The following SEL1L3 variants were observed in gnomAD, a reference collection of about 807,000 sequenced individuals.
The protein encoded by SEL1L3 is protein sel-1 homolog 3.
Under a neutral mutation model 142.8 loss-of-function variants are expected in SEL1L3, and 76 were observed. The observed-to-expected ratio is 0.53, with a 90% confidence interval of 0.44 to 0.64. The LOEUF (loss-of-function observed/expected upper bound fraction) is 0.64, where lower values mean the gene tolerates loss of function less well. Among genes scored for constraint, SEL1L3 ranks in the 30% least tolerant of loss-of-function variants. SEL1L3 has a pLI of 0.00. For synonymous variants in SEL1L3, 504 were observed against 519.6 expected (o/e 0.97, Z 0.41); for missense variants, 1,262 against 1,381.7 (o/e 0.91, Z 1.37).
intron 1 of SEL1L3, among the ~76,000 whole-genome samples, chr4:25,855,107 A>G (rs983172575): frequency 6.6e-6 from 1 of 152,232 alleles, no homozygotes; most frequent in Non-Finnish European, 1.5e-5. Flanking sequence ...ATTCACCACG[A>G]GTCGTGGCTA....
intron 23 of SEL1L3, among the ~76,000 whole-genome samples, chr4:25,752,106 C>T (rs1387549156): frequency 2.6e-5 from 2 of 77,424 alleles, no homozygotes; most frequent in East Asian, 3.7e-4. Flanking sequence ...AAGACTCCAT[C>T]TCAAAAAAAA....
At chr4:25,719,267 A>G in the SEL1L3 span, 7 of 152,312 alleles carry the variant, frequency 4.6e-5, no homozygotes, top group African/African-American at 1.4e-4. Context: ...TGTTACAAGT[A>G]GAGGAAGGGA....
chr4:25,770,147 CT>C (rs1719054361), intron 17 of SEL1L3: 1 of 152,066 alleles, frequency 6.6e-6, no homozygotes, highest in Non-Finnish European at 1.5e-5. Context: ...AGAATTTTTT[CT>C]TAACTGCAGA....
chr4:25,861,135 T>G (rs1425205735), intron 1 of SEL1L3, among the ~76,000 whole-genome samples: 1 of 152,246 alleles, frequency 6.6e-6, no homozygotes, highest in Non-Finnish European at 1.5e-5. Flanking sequence ...ACATCACTTC[T>G]GCTTCTGTGG....
chr4:25,749,225 T>A (rs1294960445), intron 23 of SEL1L3, among the ~76,000 whole-genome samples: 1 of 152,192 alleles, frequency 6.6e-6, no homozygotes, highest in Non-Finnish European at 1.5e-5. Flanking sequence ...GATTAGATGA[T>A]CTTGAAACCC....
intron 1 of SEL1L3, among the ~76,000 whole-genome samples, chr4:25,853,952 G>A (rs900368528): frequency 1.3e-5 from 2 of 152,032 alleles, no homozygotes; most frequent in African/African-American, 4.8e-5. Context: ...GATTACAGGT[G>A]TGAGCCACTG....
intron 11 of SEL1L3, among the ~76,000 whole-genome samples, chr4:25,795,394 G>C (rs759114714): frequency 2.0e-5 from 3 of 152,136 alleles, no homozygotes; most frequent in Non-Finnish European, 4.4e-5. Context: ...ACAACTCAAA[G>C]CCTTAGGTTG....
At chr4:25,826,523 C>T (rs144085939) in intron 6 of SEL1L3, among the ~76,000 whole-genome samples, 149 of 152,118 alleles carry the variant, frequency 9.8e-4, no homozygotes, top group Non-Finnish European at 1.7e-3. Context: ...CTACAGGAAC[C>T]CCCGGGGGAC....
chr4:25,822,257 A>T (rs1577658817), intron 6 of SEL1L3, 129 bp from the exon 7 acceptor site: 1 of 1,064,672 alleles, frequency 9.4e-7, no homozygotes, highest in East Asian at 2.4e-5. Flanking sequence ...GTTTTAGCAG[A>T]TGAGACCAGC....
chr4:25,850,263 A>G (rs1716795478), intron 1 of SEL1L3, among the ~76,000 whole-genome samples: 1 of 152,264 alleles, frequency 6.6e-6, no homozygotes, highest in Non-Finnish European at 1.5e-5. Context: ...CTTTTAAAGC[A>G]ACTGATAGTC....
At chr4:25,862,205 G>C (rs1717759298) in intron 1 of SEL1L3, 2 of 152,768 alleles carry the variant, frequency 1.3e-5, no homozygotes, top group South Asian at 2.1e-4. Context: ...GAAACTAAAA[G>C]GAGGGTCGAC....
At chr4:25,789,524 G>A (rs1251019530) in intron 12 of SEL1L3, among the ~76,000 whole-genome samples, 1 of 149,856 alleles carries the variant, frequency 6.7e-6, no homozygotes, top group East Asian at 2.0e-4. Context: ...CTTTGAGGCT[G>A]CAGTGAGCTA....
At chr4:25,792,693 G>C (rs1335085631) in intron 11 of SEL1L3, among the ~76,000 whole-genome samples, 1 of 152,180 alleles carries the variant, frequency 6.6e-6, no homozygotes, top group Non-Finnish European at 1.5e-5. Context: ...CTAAAAGGTT[G>C]GGTGCCTTTG....
intron 23 of SEL1L3, among the ~76,000 whole-genome samples, chr4:25,749,795 A>G (rs1438308781): frequency 1.3e-5 from 2 of 152,240 alleles, no homozygotes; most frequent in African/African-American, 4.8e-5. Flanking sequence ...GGCCAAACGT[A>G]GTCATTGCTT....
the SEL1L3 span, among the ~76,000 whole-genome samples, chr4:25,741,833 T>TA: frequency 6.7e-6 from 1 of 150,232 alleles, no homozygotes; most frequent in Non-Finnish European, 1.5e-5. Flanking sequence ...TTATATATAT[T>TA]TTTTTTGAGA....
intron 20 of SEL1L3, among the ~76,000 whole-genome samples, chr4:25,764,958 A>G (rs1718613653): frequency 6.6e-6 from 1 of 152,100 alleles, no homozygotes; most frequent in African/African-American, 2.4e-5. Context: ...GGTTAGGAAG[A>G]ATTCTGGTTT....
intron 11 of SEL1L3, among the ~76,000 whole-genome samples, chr4:25,801,633 C>T (rs917575088): frequency 5.3e-5 from 8 of 152,194 alleles, no homozygotes; most frequent in Non-Finnish European, 1.0e-4. Context: ...TCCAATGAAT[C>T]AATAATATCT....
chr4:25,751,553 A>G (rs1455147189), intron 23 of SEL1L3, among the ~76,000 whole-genome samples: 2 of 152,026 alleles, frequency 1.3e-5, no homozygotes, highest in Non-Finnish European at 2.9e-5. Context: ...GGGAGGTATA[A>G]GCAGCAAGAA....
chr4:25,803,504 T>C (rs1713333044), intron 10 of SEL1L3, among the ~76,000 whole-genome samples: 1 of 152,230 alleles, frequency 6.6e-6, no homozygotes, highest in Admixed American at 6.5e-5. Context: ...GCAGTGCTTA[T>C]TGCGATGGTT....
Sources: allele counts gnomAD v4.1 joint callset (sites outside exome capture counted in the v4.1 genomes callset), GRCh38; gene constraint gnomAD v4.1.1; transcripts MANE v1.5; gene names NCBI Gene and HGNC (gene_info 2026-07-23, HGNC 2026-07-21).